The following TUBB8B variants were observed in gnomAD, a reference collection of about 807,000 sequenced individuals.
The protein encoded by TUBB8B is tubulin beta 8B.
A neutral mutation model predicts 31.9 loss-of-function variants in TUBB8B; 26 were observed. The ratio of observed to expected loss-of-function variants is 0.81; its 90% CI spans 0.60 to 1.13. The LOEUF (loss-of-function observed/expected upper bound fraction) is 1.13. Ranked by LOEUF, TUBB8B falls within the 50% of genes most tolerant of loss-of-function variation. The pLI, the probability that TUBB8B is intolerant of heterozygous loss-of-function variation, is 0.00. For missense variants in TUBB8B, 467 were observed against 586.7 expected, an observed-to-expected ratio of 0.80 and a Z score of 2.11; for synonymous variants, 173 against 231.0, an observed-to-expected ratio of 0.75 and a Z score of 2.28.
At chr18:58,520 G>T in the TUBB8B span, among the ~76,000 whole-genome samples, 1 of 151,582 alleles carries the variant, frequency 6.6e-6, no homozygotes. Context: ...CCTTTGCTTC[G>T]ATCCTAATAA....
In TUBB8B at chr18:47,670, G is replaced by A. The variant is rs571756449; in HGVS notation, c.1055C>T (p.Ala352Val). Residue 352 changes from alanine to valine, a missense_variant, in exon 4 of 4, where the codon GCC becomes GTC. Ala to Val is a moderately conservative substitution (Grantham distance 64, BLOSUM62 0). This residue lies in a region of TUBB8B where 208 missense variants were observed against 206.7 expected (regional missense o/e 1.01). Coordinates refer to ENST00000308911, the MANE Select transcript of TUBB8B (RefSeq NM_001358689.2). ...ADWFPDNVKTAVCDIPPRGLK... is the reference protein window; with the variant it reads ...ADWFPDNVKTVVCDIPPRGLK... ...CCCCCGGGGTGGGATGTCACAGACG[G>A]CTGTTTTTACGTTGTCGGGGAACCA... The A allele has an allele frequency of 5.8e-5, 93 of 1,612,414 alleles. No homozygotes were observed. The African/African-American group carries it at 1.1e-3, about 19-fold the overall frequency.
upstream of TUBB8B, chr18:50,221 G>A (rs146094752): frequency 2.5e-5 from 5 of 197,882 alleles, no homozygotes; most frequent in Non-Finnish European, 2.1e-5. Flanking sequence ...GTTGGGTTAC[G>A]CCTGCTGTGA....
chr18:63,586 AC>A, the TUBB8B span, among the ~76,000 whole-genome samples: 2 of 150,892 alleles, frequency 1.3e-5, no homozygotes, highest in East Asian at 1.9e-4. Context: ...TGTAACGACA[AC>A]TTGGCTACCA....
upstream of TUBB8B, among the ~76,000 whole-genome samples, chr18:51,533 G>T (rs565362841): frequency 2.6e-5 from 4 of 152,046 alleles, no homozygotes; most frequent in East Asian, 5.8e-4. Flanking sequence ...TCTGATTCCC[G>T]GGTTCAAGCG....
chr18:52,107 G>T (rs1354830669), upstream of TUBB8B, among the ~76,000 whole-genome samples: 1 of 151,824 alleles, frequency 6.6e-6, no homozygotes, highest in African/African-American at 2.4e-5. Context: ...ACCTTCCCTT[G>T]GTGTGGGGTC....
the TUBB8B span, among the ~76,000 whole-genome samples, chr18:58,625 C>A: frequency 2.6e-5 from 4 of 151,738 alleles, no homozygotes; most frequent in Admixed American, 2.0e-4. Flanking sequence ...TTAAGAAAAT[C>A]TCAACTTTCC....
the TUBB8B span, among the ~76,000 whole-genome samples, chr18:69,331 G>A: frequency 6.6e-6 from 1 of 152,180 alleles, no homozygotes; most frequent in South Asian, 2.1e-4. Context: ...GAGCACGGTT[G>A]TATATACCTG....
At chr18:49,354 C>G (rs1905949732) in intron 1 of TUBB8B, 117 bp from the exon 2 acceptor site, 1 of 855,736 alleles carries the variant, frequency 1.2e-6, no homozygotes, top group East Asian at 2.7e-5. Context: ...GGGGTCCACC[C>G]CAGCCGCCTC....
At chr18:63,364 G>A in the TUBB8B span, among the ~76,000 whole-genome samples, 1 of 151,674 alleles carries the variant, frequency 6.6e-6, no homozygotes, top group African/African-American at 2.4e-5. Flanking sequence ...TGGTGGCCTT[G>A]GATTAACATT....
the TUBB8B span, among the ~76,000 whole-genome samples, chr18:63,503 A>G: frequency 6.6e-6 from 1 of 150,770 alleles, no homozygotes; most frequent in Non-Finnish European, 1.5e-5. Flanking sequence ...AGCATCCCTG[A>G]GGCCATCACC....
chr18:60,315 T>G, the TUBB8B span, among the ~76,000 whole-genome samples: 1 of 151,774 alleles, frequency 6.6e-6, no homozygotes, highest in Non-Finnish European at 1.5e-5. Flanking sequence ...TTCTGAAACT[T>G]GTAATGTCTC....
At chr18:66,683 G>A in the TUBB8B span, among the ~76,000 whole-genome samples, 3 of 152,144 alleles carry the variant, frequency 2.0e-5, no homozygotes, top group South Asian at 6.2e-4. Context: ...TTTGTAGTAA[G>A]ATTTGAAATT....
upstream of TUBB8B, among the ~76,000 whole-genome samples, chr18:51,444 ATTAAT>A (rs1437194942): frequency 6.6e-6 from 1 of 151,686 alleles, no homozygotes; most frequent in African/African-American, 2.4e-5. Flanking sequence ...TGGTTTATTT[ATTAAT>A]TTATTTTTGA....
the TUBB8B span, among the ~76,000 whole-genome samples, chr18:60,443 C>T: frequency 8.6e-5 from 13 of 151,416 alleles, no homozygotes; most frequent in African/African-American, 3.1e-4. Context: ...TGATCTTTTG[C>T]ACTGTTTTCT....
At chr18:66,327 G>A in the TUBB8B span, among the ~76,000 whole-genome samples, 1 of 152,180 alleles carries the variant, frequency 6.6e-6, no homozygotes, top group Non-Finnish European at 1.5e-5. Flanking sequence ...CAAGAGAGGA[G>A]GATCACTTGA....
the TUBB8B span, among the ~76,000 whole-genome samples, chr18:60,279 T>C: frequency 5.1e-4 from 77 of 151,830 alleles, 1 homozygote; most frequent in African/African-American, 1.8e-3. Context: ...CAATTACTTA[T>C]AGTAGCCACT....
the TUBB8B span, among the ~76,000 whole-genome samples, chr18:55,234 G>A: frequency 3.3e-4 from 50 of 151,764 alleles, no homozygotes; most frequent in East Asian, 4.1e-3. Flanking sequence ...TTGAGTAGCC[G>A]GGATTACAGG....
the TUBB8B span, among the ~76,000 whole-genome samples, chr18:67,960 G>A: frequency 0.02 from 3,052 of 152,200 alleles, 27 homozygotes; most frequent in Middle Eastern, 0.078. Flanking sequence ...ATACTGATAT[G>A]ACACCCACAA....
chr18:67,746 A>G, the TUBB8B span, among the ~76,000 whole-genome samples: 1 of 152,120 alleles, frequency 6.6e-6, no homozygotes, highest in Non-Finnish European at 1.5e-5. Context: ...ATCACGGCAT[A>G]TCGTAATACT....
Sources: allele counts gnomAD v4.1 joint callset (sites outside exome capture counted in the v4.1 genomes callset), GRCh38; gene constraint gnomAD v4.1.1; regional missense constraint gnomAD v4.1.1; transcripts MANE v1.5; gene names NCBI Gene and HGNC (gene_info 2026-07-23, HGNC 2026-07-21).